The following MGAT4C variants were observed in gnomAD, a reference collection of about 807,000 sequenced individuals.
MGAT4C encodes the protein alpha-1,3-mannosyl-glycoprotein 4-beta-N-acetylglucosaminyltransferase C.
Under a neutral mutation model 40.1 loss-of-function variants are expected in MGAT4C, and 19 were observed. That is an observed-to-expected ratio of 0.47 (90% confidence interval 0.33 to 0.70). The LOEUF (loss-of-function observed/expected upper bound fraction) is 0.70. MGAT4C is among the 30% of genes least tolerant of loss of function. The probability of loss-of-function intolerance (pLI) is 0.02; values close to 1 mark genes in which losing one functional copy is unlikely to be tolerated. For missense variants in MGAT4C, 491 were observed against 563.2 expected (o/e 0.87, Z 1.30); for synonymous variants, 181 against 187.1 (o/e 0.97, Z 0.27).
chr12:86,631,906 G>A (rs1291564182), intron 2 of MGAT4C, among the ~76,000 whole-genome samples: 1 of 151,986 alleles, frequency 6.6e-6, no homozygotes, highest in Non-Finnish European at 1.5e-5. Flanking sequence ...TTGACAAATG[G>A]GATCTAATTA....
intron 1 of MGAT4C, among the ~76,000 whole-genome samples, chr12:86,064,602 G>A (rs1190705573): frequency 1.3e-5 from 2 of 152,098 alleles, no homozygotes; most frequent in African/African-American, 4.8e-5. Flanking sequence ...ACTGCCACAA[G>A]AGAAAGCAGG....
chr12:86,203,975 A>AATATATATATAT (rs56952745), intron 1 of MGAT4C, among the ~76,000 whole-genome samples: 7 of 137,062 alleles, frequency 5.1e-5, no homozygotes, highest in Admixed American at 7.6e-5. Context: ...AAAAAAAAGA[A>AATATATATATAT]ATATATATAT....
intron 3 of MGAT4C, among the ~76,000 whole-genome samples, chr12:86,415,912 C>G (rs1360866637): frequency 6.6e-6 from 1 of 151,940 alleles, no homozygotes; most frequent in African/African-American, 2.4e-5. Context: ...GGAGGAAAAA[C>G]TCTAATTACA....
At chr12:86,537,570 T>C (rs1959096926) in intron 2 of MGAT4C, among the ~76,000 whole-genome samples, 1 of 152,186 alleles carries the variant, frequency 6.6e-6, no homozygotes, top group Non-Finnish European at 1.5e-5. Context: ...CAGTTTTGCA[T>C]GCCCTGTGCG....
chr12:86,709,256 T>C (rs1168674418), intron 2 of MGAT4C, among the ~76,000 whole-genome samples: 1 of 152,176 alleles, frequency 6.6e-6, no homozygotes, highest in Non-Finnish European at 1.5e-5. Context: ...AGACGTAACT[T>C]GCTCCTCTTT....
chr12:86,768,205 A>C (rs141253815), intron 1 of MGAT4C, among the ~76,000 whole-genome samples: 3,015 of 152,106 alleles, frequency 0.02, 36 homozygotes, highest in African/African-American at 0.041. Context: ...AAATCACAAG[A>C]ATTCTTATAC....
At chr12:86,283,871 T>C (rs1000970525) in intron 4 of MGAT4C, among the ~76,000 whole-genome samples, 3 of 152,132 alleles carry the variant, frequency 2.0e-5, no homozygotes, top group Non-Finnish European at 4.4e-5. Context: ...TATCGCTATA[T>C]GGAATTCAAA....
chr12:86,079,941 T>G (rs906769263), intron 1 of MGAT4C, among the ~76,000 whole-genome samples: 3 of 151,902 alleles, frequency 2.0e-5, no homozygotes, highest in African/African-American at 7.3e-5. Flanking sequence ...GCTAGGCCTC[T>G]CTCTCTCTCT....
At chr12:86,681,524 C>A (rs1422165271) in intron 2 of MGAT4C, among the ~76,000 whole-genome samples, 2 of 151,718 alleles carry the variant, frequency 1.3e-5, no homozygotes, top group Non-Finnish European at 2.9e-5. Flanking sequence ...CTCACTTATT[C>A]ATCAAGCAGT....
chr12:86,829,623 G>A (rs906260934), intron 1 of MGAT4C, among the ~76,000 whole-genome samples: 1 of 151,274 alleles, frequency 6.6e-6, no homozygotes, highest in African/African-American at 2.4e-5. Context: ...AATGATTTCA[G>A]TGACCTATAG....
chr12:86,137,159 A>T (rs1441538184), intron 1 of MGAT4C, among the ~76,000 whole-genome samples: 1 of 152,178 alleles, frequency 6.6e-6, no homozygotes, highest in Non-Finnish European at 1.5e-5. Flanking sequence ...AATTATTTTC[A>T]GCATCCCATT....
chr12:86,103,237 A>G lies in MGAT4C; in HGVS notation c.-56-53514T>C, dbSNP rs548711872. ...CTGGAAACTAGGAATGTTACCTTAT[A>G]AGGCAAAAGAGTGAATAATATTTTA... On this transcript the variant is annotated intron_variant, in intron 1 of 4. Transcript: ENST00000611864. Among the ~76,000 whole-genome samples the G allele has an allele frequency of 7.2e-5, 11 of 152,284 alleles. 1 individual carries two copies. The South Asian group carries it at 1.0e-3, about 14-fold the overall frequency.
chr12:86,571,850 T>C (rs1314652232), intron 2 of MGAT4C, among the ~76,000 whole-genome samples: 1 of 152,146 alleles, frequency 6.6e-6, no homozygotes, highest in Non-Finnish European at 1.5e-5. Context: ...CACTTAGATT[T>C]CTACCTGAAT....
intron 1 of MGAT4C, among the ~76,000 whole-genome samples, chr12:86,174,718 G>A (rs1046698658): frequency 3.0e-4 from 45 of 152,152 alleles, no homozygotes; most frequent in Middle Eastern, 3.4e-3. Flanking sequence ...TTCATCTTAG[G>A]ATTAAAGTGG....
At chr12:86,803,064 G>A (rs1021666939) in intron 1 of MGAT4C, among the ~76,000 whole-genome samples, 1 of 139,640 alleles carries the variant, frequency 7.2e-6, no homozygotes, top group Non-Finnish European at 1.6e-5. Context: ...TACCAAAACA[G>A]AGATATAGAT....
intron 2 of MGAT4C, among the ~76,000 whole-genome samples, chr12:86,010,147 G>T (rs1888309902): frequency 6.6e-6 from 1 of 151,774 alleles, no homozygotes; most frequent in Non-Finnish European, 1.5e-5. Flanking sequence ...GATAGAAAGG[G>T]GGAAGTAGTC....
intron 1 of MGAT4C, among the ~76,000 whole-genome samples, chr12:86,763,377 T>A (rs1166652218): frequency 1.3e-5 from 2 of 152,198 alleles, no homozygotes; most frequent in African/African-American, 4.8e-5. Flanking sequence ...TTTTTTTTCA[T>A]GTTACTGCAA....
intron 1 of MGAT4C, among the ~76,000 whole-genome samples, chr12:86,248,230 C>A (rs1445861673): frequency 1.3e-5 from 2 of 151,650 alleles, no homozygotes; most frequent in Non-Finnish European, 2.9e-5. Context: ...TTCCTTCCTT[C>A]CTTCCTTCCT....
At chr12:86,760,257 C>CA (rs755722616) in intron 1 of MGAT4C, among the ~76,000 whole-genome samples, 1 of 151,864 alleles carries the variant, frequency 6.6e-6, no homozygotes, top group East Asian at 1.9e-4. Context: ...TCACCATATG[C>CA]AAAAAAATAA....
Sources: gnomAD v4.1 joint callset for allele counts (sites outside exome capture counted in the v4.1 genomes callset) on GRCh38, gnomAD v4.1.1 for gene constraint, MANE v1.5 for transcripts, NCBI Gene and HGNC (gene_info 2026-07-23, HGNC 2026-07-21) for gene names.